The following SNAP47 variants were observed in gnomAD, a reference collection of about 807,000 sequenced individuals.
SNAP47 encodes synaptosome associated protein 47.
In SNAP47, 20 loss-of-function variants were observed where a neutral mutation model predicts 31.4. The observed-to-expected ratio is 0.64, with a 90% CI of 0.45 to 0.93. The LOEUF (loss-of-function observed/expected upper bound fraction) is 0.93. Ranked by LOEUF, SNAP47 falls within the 40% of genes least tolerant of loss-of-function variation. The pLI is 0.00. For missense variants in SNAP47, 492 were observed against 528.5 expected, an observed-to-expected ratio of 0.93 and a Z score of 0.68; for synonymous variants, 194 against 213.4, an observed-to-expected ratio of 0.91 and a Z score of 0.79.
At chr1:227,752,417 C>T (rs1662436288) in intron 2 of SNAP47, among the ~76,000 whole-genome samples, 1 of 152,118 alleles carries the variant, frequency 6.6e-6, no homozygotes, top group South Asian at 2.1e-4. Context: ...CTTCCCCACC[C>T]GCCCCACACC....
chr1:227,759,645 C>T, intron 3 of SNAP47, 160 bp downstream of exon 3: 1 of 880,264 alleles, frequency 1.1e-6, no homozygotes. Flanking sequence ...AAAAACAATT[C>T]CAGACCATTT....
chr1:227,744,045 G>A (rs1661793420), intron 1 of SNAP47: 3 of 152,224 alleles, frequency 2.0e-5, no homozygotes, highest in Admixed American at 2.0e-4. Context: ...CTCTCTGTGC[G>A]TCCTGCCATC....
In SNAP47 at chr1:227,741,211, G is replaced by A. The variant is rs1661575323; in HGVS notation, c.-46+5712G>A. 1.3e-5 allele frequency among the ~76,000 whole-genome samples: 2 copies of A among 152,114 alleles called. No homozygotes were observed. Among genetic ancestry groups the A allele is most frequent in the African/African-American group, 4.8e-5 (2 of 41,396 alleles). ...CTGGAGTGGGTGTTTGGGAGGCAACGGCTTGGGGGTGATGTTGAGTTTCTG... is the reference window on the plus strand; with the variant it reads ...CTGGAGTGGGTGTTTGGGAGGCAACAGCTTGGGGGTGATGTTGAGTTTCTG... On this transcript the variant is annotated intron_variant, in intron 1 of 4. Transcript: ENST00000617596. This position sits in a 1 kb window ranked among gnomAD's most constrained non-coding sequence, Gnocchi z 4.2.
intron 4 of SNAP47, chr1:227,775,712 T>G (rs1177827493): frequency 7.8e-7 from 1 of 1,279,578 alleles, no homozygotes; most frequent in East Asian, 5.7e-5. Flanking sequence ...TAGGCTATTT[T>G]TCTATATTTA....
At chr1:227,766,112 A>G (rs1209478891) in intron 3 of SNAP47, among the ~76,000 whole-genome samples, 2 of 152,104 alleles carry the variant, frequency 1.3e-5, no homozygotes, top group East Asian at 3.9e-4. Context: ...TGAGGAGGGT[A>G]CGGGCTCTGC....
intron 4 of SNAP47, 146 bp from the exon 5 acceptor site, chr1:227,780,381 G>T: frequency 1.7e-6 from 2 of 1,169,506 alleles, no homozygotes; most frequent in African/African-American, 1.5e-5. Flanking sequence ...CTGGTGCTGG[G>T]CTGCCGGCTC....
At chr1:227,759,824 C>T (rs1662948797) in intron 3 of SNAP47, among the ~76,000 whole-genome samples, 1 of 152,184 alleles carries the variant, frequency 6.6e-6, no homozygotes. Context: ...GGTGTTTGGT[C>T]ACAAGGACTC....
chr1:227,740,957 A>G (rs1020805134), intron 1 of SNAP47, among the ~76,000 whole-genome samples: 21 of 147,496 alleles, frequency 1.4e-4, no homozygotes, highest in African/African-American at 5.6e-4. Context: ...CCAGCGGGTG[A>G]CAGGAGGGGC....
In SNAP47 at chr1:227,735,456, C is replaced by T. The variant is rs1480936263; in HGVS notation, c.-89C>T. ...CTTCACTGCGCAGGCGCCGAGCGGC[C>T]GAGGCGCCGCGGTCGGCTCTGGGAC... On this transcript the variant is annotated 5_prime_UTR_variant, in exon 1 of 5. Coordinates refer to ENST00000617596, the MANE Select transcript of SNAP47 (RefSeq NM_053052.4). The T allele has an allele frequency of 7.0e-7, 1 of 1,438,226 alleles. No individual in the cohort carries two copies. Among genetic ancestry groups the T allele is most frequent in the Non-Finnish European group, 9.0e-7 (1 of 1,106,524 alleles). The allele number at this position is 1,438,226 out of a possible 1,614,324, so 89.1% of individuals were successfully genotyped here.
intron 3 of SNAP47, among the ~76,000 whole-genome samples, chr1:227,760,227 T>C (rs1662977160): frequency 6.6e-6 from 1 of 152,236 alleles, no homozygotes; most frequent in African/African-American, 2.4e-5. Context: ...TCCCCTCATT[T>C]TGATGTGGGA....
rs369444213 is a variant in SNAP47 at position 227,759,401 on chromosome 1, A to G, written c.904A>G (p.Met302Val). ...PILEVQFSKK[M>V]ELLEDALVLR... ...TTTAGAAGTGCAGTTCAGCAAGAAG[A>G]TGGAGCTGTTAGAAGATGCATTGGT... The change falls in exon 3 of 5, where the codon ATG becomes GTG. Residue 302 changes from methionine (M) to valine (V), a missense_variant. By Grantham distance (21) the Met-to-Val change is conservative (BLOSUM62 1). Coordinates refer to ENST00000617596, the MANE Select transcript of SNAP47 (RefSeq NM_053052.4). 1.1e-5 allele frequency: 17 copies of G among 1,614,124 alleles called. No homozygotes were observed. The African/African-American group carries it at 2.0e-4, about 19-fold the overall frequency.
intron 1 of SNAP47, among the ~76,000 whole-genome samples, chr1:227,738,455 C>T (rs1482611413): frequency 1.3e-5 from 2 of 152,152 alleles, no homozygotes; most frequent in Non-Finnish European, 2.9e-5. Flanking sequence ...CCAGTCCTTG[C>T]CTATACGTTC....
At chr1:227,772,043 G>T (rs1204033092) in intron 4 of SNAP47, among the ~76,000 whole-genome samples, 1 of 152,074 alleles carries the variant, frequency 6.6e-6, no homozygotes, top group Non-Finnish European at 1.5e-5. Flanking sequence ...TTCAGGCTTG[G>T]AGGACTCACC....
intron 3 of SNAP47, among the ~76,000 whole-genome samples, chr1:227,765,332 T>C (rs1391082569): frequency 6.6e-6 from 1 of 152,182 alleles, no homozygotes; most frequent in Non-Finnish European, 1.5e-5. Context: ...GCCTAGGCTG[T>C]GCTGGTGCTG....
Position 227,780,514 on chromosome 1 carries a change from T to TGC in SNAP47, c.1114-12_1114-11dup. 1 of 1,613,676 alleles carries TGC rather than the reference T, an allele frequency of 6.2e-7. No homozygotes were observed. The highest frequency in any genetic ancestry group is 1.3e-5 in the African/African-American group (1 of 75,052). On this transcript the variant is annotated splice_polypyrimidine_tract_variant and intron_variant, in intron 4 of 4. Transcript: ENST00000617596. ...GATGGCAGCCTCTGCTGTGATCTTG[T>TGC]GCTTCTCCCCAGATCCTGAGGAGGA...
chr1:227,733,260 G>C, upstream of SNAP47: 5 of 921,550 alleles, frequency 5.4e-6, no homozygotes, highest in Non-Finnish European at 7.9e-6. Context: ...GTGAAACAGA[G>C]GCTAGGCCTC....
chr1:227,732,974 G>A, upstream of SNAP47: 1 of 1,613,400 alleles, frequency 6.2e-7, no homozygotes, highest in African/African-American at 1.3e-5. Flanking sequence ...AGCGCCACAT[G>A]TTGGCCAGGT....
intron 4 of SNAP47, among the ~76,000 whole-genome samples, chr1:227,780,277 AGGCAGGAGGTGCGGGCAGGCAGCT>A (rs1351222372): frequency 2.6e-5 from 4 of 152,322 alleles, no homozygotes; most frequent in Admixed American, 6.5e-5. Context: ...CCACTGCACC[AGGCAGGAGGTGCGGGCAGGCAGCT>A]GGCAGGAGGT....
At chr1:227,765,179 C>T (rs1663313065) in intron 3 of SNAP47, among the ~76,000 whole-genome samples, 1 of 152,236 alleles carries the variant, frequency 6.6e-6, no homozygotes, top group African/African-American at 2.4e-5. Flanking sequence ...GGCTTATAGA[C>T]CATCACACAG....
Sources: allele counts gnomAD v4.1 joint callset (sites outside exome capture counted in the v4.1 genomes callset), GRCh38; gene constraint gnomAD v4.1.1; non-coding constraint Gnocchi (gnomAD v3.1); transcripts MANE v1.5; gene names NCBI Gene and HGNC (gene_info 2026-07-23, HGNC 2026-07-21).